The following TBL1XR1 variants were observed in gnomAD, a reference collection of about 807,000 sequenced individuals.
TBL1XR1 encodes the protein TBL1X/Y related 1.
In TBL1XR1, 5 loss-of-function variants were observed where a neutral mutation model predicts 66.9. The ratio of observed to expected loss-of-function variants is 0.07; its 90% CI spans 0.04 to 0.16. The LOEUF (loss-of-function observed/expected upper bound fraction) is 0.16, where lower values mean the gene tolerates loss of function less well. TBL1XR1 is among the 10% of genes least tolerant of loss of function. TBL1XR1 has a pLI of 1.00. For synonymous variants in TBL1XR1, 210 were observed against 206.0 expected, an observed-to-expected ratio of 1.02 and a Z score of -0.17; for missense variants, 238 against 623.2, an observed-to-expected ratio of 0.38 and a Z score of 6.58.
intron 3 of TBL1XR1, among the ~76,000 whole-genome samples, chr3:177,062,249 T>C (rs1017551655): frequency 5.3e-5 from 8 of 152,250 alleles, no homozygotes; most frequent in African/African-American, 1.9e-4. Context: ...TTCTACTTTA[T>C]CTTGAATACT....
chr3:177,156,623 T>C (rs1731556796), intron 1 of TBL1XR1, among the ~76,000 whole-genome samples: 1 of 150,892 alleles, frequency 6.6e-6, no homozygotes, highest in Non-Finnish European at 1.5e-5. Flanking sequence ...GTCTGGAATA[T>C]AAAAAAGAAT....
At chr3:177,100,895 G>T (rs1560175490) in intron 1 of TBL1XR1, among the ~76,000 whole-genome samples, 1 of 141,234 alleles carries the variant, frequency 7.1e-6, no homozygotes, top group South Asian at 2.3e-4. Flanking sequence ...TCTCGCTGTT[G>T]CCCAGGCTGG....
intron 1 of TBL1XR1, among the ~76,000 whole-genome samples, chr3:177,192,481 C>T (rs939528423): frequency 4.0e-5 from 6 of 151,122 alleles, no homozygotes; most frequent in African/African-American, 1.2e-4. Flanking sequence ...ACCCAGATGA[C>T]AGAATAGCAA....
chr3:177,072,801 C>G (rs949015452), intron 2 of TBL1XR1, among the ~76,000 whole-genome samples: 2 of 152,316 alleles, frequency 1.3e-5, no homozygotes, highest in East Asian at 3.9e-4. Context: ...CAGTGGCTCA[C>G]GCCTGTAATC....
chr3:177,088,894 G>T (rs767384427), intron 2 of TBL1XR1, among the ~76,000 whole-genome samples: 1 of 152,078 alleles, frequency 6.6e-6, no homozygotes, highest in Non-Finnish European at 1.5e-5. Context: ...TCCTAATCAT[G>T]ATGGTAAAAG....
intron 2 of TBL1XR1, among the ~76,000 whole-genome samples, chr3:177,065,887 T>G (rs1372481054): frequency 6.6e-6 from 1 of 152,228 alleles, no homozygotes; most frequent in Non-Finnish European, 1.5e-5. Flanking sequence ...TTATGGACAC[T>G]GAAATTTGAA....
At chr3:177,116,851 A>G (rs1040272470) in intron 1 of TBL1XR1, among the ~76,000 whole-genome samples, 1 of 152,144 alleles carries the variant, frequency 6.6e-6, no homozygotes, top group African/African-American at 2.4e-5. Context: ...AGCTGTTGCT[A>G]TTTTTCCTAG....
intron 1 of TBL1XR1, among the ~76,000 whole-genome samples, chr3:177,109,937 A>G (rs1431253942): frequency 6.6e-6 from 1 of 152,186 alleles, no homozygotes; most frequent in African/African-American, 2.4e-5. Context: ...CGTGCCTTAT[A>G]TCTTGGTGTT....
At chr3:177,143,212 C>T (rs1231074764) in intron 1 of TBL1XR1, among the ~76,000 whole-genome samples, 2 of 151,926 alleles carry the variant, frequency 1.3e-5, no homozygotes, top group African/African-American at 4.8e-5. Flanking sequence ...TAAACAGAAA[C>T]ACACAGTTAC....
intron 1 of TBL1XR1, among the ~76,000 whole-genome samples, chr3:177,111,112 G>A (rs1725500542): frequency 6.6e-6 from 1 of 152,022 alleles, no homozygotes; most frequent in Admixed American, 6.6e-5. Context: ...AGGAGGACAT[G>A]CAATCCAGGA....
At chr3:177,084,991 T>C (rs1245502354) in intron 2 of TBL1XR1, among the ~76,000 whole-genome samples, 1 of 152,218 alleles carries the variant, frequency 6.6e-6, no homozygotes, top group African/African-American at 2.4e-5. Context: ...TTCAACACTG[T>C]AATTGGCCTA....
At chr3:177,149,351 A>G (rs773328747) in intron 1 of TBL1XR1, among the ~76,000 whole-genome samples, 2 of 152,160 alleles carry the variant, frequency 1.3e-5, no homozygotes, top group Non-Finnish European at 2.9e-5. Flanking sequence ...CACTCCCCCA[A>G]TGACTCTGTG....
chr3:177,148,523 G>C (rs1219315182), intron 1 of TBL1XR1, among the ~76,000 whole-genome samples: 1 of 151,978 alleles, frequency 6.6e-6, no homozygotes, highest in African/African-American at 2.4e-5. Context: ...AGACCAGCCT[G>C]ACCAATATGG....
intron 10 of TBL1XR1, 128 bp from the exon 11 acceptor site, chr3:177,038,562 T>A: frequency 1.2e-6 from 1 of 841,560 alleles, no homozygotes. Context: ...TTTATACTTT[T>A]TAAGATATTA....
intron 3 of TBL1XR1, among the ~76,000 whole-genome samples, chr3:177,063,599 T>G (rs751479507): frequency 7.9e-5 from 12 of 152,372 alleles, no homozygotes; most frequent in Middle Eastern, 3.4e-3. Context: ...TTGTTAAACT[T>G]GTTTACAAGT....
At chr3:177,074,943 TA>T (rs1720500995) in intron 2 of TBL1XR1, among the ~76,000 whole-genome samples, 1 of 152,174 alleles carries the variant, frequency 6.6e-6, no homozygotes, top group Non-Finnish European at 1.5e-5. Flanking sequence ...TCCATTCTGG[TA>T]ATCTGTACAA....
At chr3:177,093,054 A>G (rs571114399) in intron 2 of TBL1XR1, among the ~76,000 whole-genome samples, 1 of 152,280 alleles carries the variant, frequency 6.6e-6, no homozygotes, top group East Asian at 1.9e-4. Context: ...ATAATTGTAT[A>G]CCTAGAAAAC....
chr3:177,082,738 T>TTATATATATATATATATA (rs374510003), intron 2 of TBL1XR1, among the ~76,000 whole-genome samples: 4,216 of 62,698 alleles, frequency 0.067, 530 homozygotes, highest in Non-Finnish European at 0.078. Flanking sequence ...AAGATAGAGA[T>TTATATATATATATATATA]TATATATATA....
chr3:177,063,589 T>C (rs1465366233), intron 3 of TBL1XR1, among the ~76,000 whole-genome samples: 6 of 152,244 alleles, frequency 3.9e-5, no homozygotes, highest in Non-Finnish European at 4.4e-5. Flanking sequence ...GTATTTGAAA[T>C]TGTTAAACTT....
Sources: allele counts gnomAD v4.1 joint callset (sites outside exome capture counted in the v4.1 genomes callset), GRCh38; gene constraint gnomAD v4.1.1; transcripts MANE v1.5; gene names NCBI Gene and HGNC (gene_info 2026-07-23, HGNC 2026-07-21).